GNAS-AS1: variants seen among roughly 807,000 people sequenced by gnomAD.
GNAS-AS1 encodes the protein GNAS antisense RNA 1 (non-protein coding).
chr20:58,829,454 G>A (rs1194771935), intron 4 of GNAS-AS1, among the ~76,000 whole-genome samples: 3 of 152,200 alleles, frequency 2.0e-5, no homozygotes, highest in African/African-American at 4.8e-5. Context: ...GGCTGTTCAA[G>A]ACAACAGAAA....
intron 4 of GNAS-AS1, among the ~76,000 whole-genome samples, chr20:58,819,420 A>C (rs2085470202): frequency 6.6e-6 from 1 of 152,230 alleles, no homozygotes; most frequent in South Asian, 2.1e-4. Context: ...CCATCAGTGG[A>C]ACTTACTTTC....
chr20:58,833,598 C>G (rs1294722309), intron 4 of GNAS-AS1, among the ~76,000 whole-genome samples: 3 of 152,088 alleles, frequency 2.0e-5, no homozygotes, highest in African/African-American at 7.2e-5. Flanking sequence ...GAAAGAAAAC[C>G]CTGATGTGGA....
chr20:58,836,068 G>C (rs1452049563), intron 4 of GNAS-AS1, among the ~76,000 whole-genome samples: 1 of 152,170 alleles, frequency 6.6e-6, no homozygotes, highest in Non-Finnish European at 1.5e-5. Context: ...AAAAAGTGGG[G>C]GCGGGGGGGA....
chr20:58,829,761 T>C (rs1418037722), intron 4 of GNAS-AS1, among the ~76,000 whole-genome samples: 2 of 152,202 alleles, frequency 1.3e-5, no homozygotes, highest in African/African-American at 2.4e-5. Context: ...GGGTGGCTTC[T>C]TCTGCTGTAT....
chr20:58,841,880 A>G lies in GNAS-AS1; in HGVS notation n.819+57T>C. The G allele has an allele frequency of 8.1e-7, 1 of 1,231,460 alleles. No individual in the cohort carries two copies. The allele number at this position is 1,231,460 out of a possible 1,614,324, so 76.3% of individuals were successfully genotyped here. On this transcript the variant is annotated intron_variant and non_coding_transcript_variant, in intron 4 of 4. Transcript: ENST00000424094. This position sits in a 1 kb window ranked among gnomAD's most constrained non-coding sequence, Gnocchi z 5.0. ...GAGATCGTCGCAAGTGGAAAGGTAA[A>G]GCGGAACAAGGGACAGGCTGGAGAC...
chr20:58,819,882 G>A (rs932764373), intron 4 of GNAS-AS1, among the ~76,000 whole-genome samples: 1 of 152,194 alleles, frequency 6.6e-6, no homozygotes, highest in Non-Finnish European at 1.5e-5. Flanking sequence ...ACCTCAGTGT[G>A]AGGTAGAACA....
chr20:58,847,852 C>T (rs1451184849), intron 2 of GNAS-AS1, among the ~76,000 whole-genome samples: 1 of 152,136 alleles, frequency 6.6e-6, no homozygotes, highest in Non-Finnish European at 1.5e-5. Flanking sequence ...ATGCCTTATG[C>T]TTTTGGTAAT....
intron 4 of GNAS-AS1, chr20:58,839,989 C>T (rs553878748): frequency 6.2e-6 from 7 of 1,137,250 alleles, no homozygotes; most frequent in East Asian, 4.7e-5. Flanking sequence ...CTGGGACCTC[C>T]GGGCCAGCTT....
chr20:58,826,222 G>C, intron 4 of GNAS-AS1: 1 of 396,976 alleles, frequency 2.5e-6, no homozygotes, highest in Non-Finnish European at 4.4e-6. Context: ...TATTTGTAGA[G>C]TTATGTGACT....
chr20:58,834,878 AC>A (rs1372619783), intron 4 of GNAS-AS1, among the ~76,000 whole-genome samples: 1 of 152,220 alleles, frequency 6.6e-6, no homozygotes, highest in Non-Finnish European at 1.5e-5. Context: ...CTGGACAGAA[AC>A]CAGCCATGTC....
At chr20:58,842,495 G>GA (rs1195159505) in exon 3 of GNAS-AS1, 13 of 398,530 alleles carry the variant, frequency 3.3e-5, no homozygotes, top group Non-Finnish European at 5.8e-5. Context: ...CCAAGACTTA[G>GA]TTCTGCCGGG....
intron 4 of GNAS-AS1, among the ~76,000 whole-genome samples, chr20:58,827,470 C>T (rs1026259947): frequency 6.6e-6 from 1 of 152,254 alleles, no homozygotes; most frequent in South Asian, 2.1e-4. Context: ...AGCTCCACTG[C>T]TTGATATCAT....
chr20:58,841,800 T>A lies in GNAS-AS1; in HGVS notation n.819+137A>T, dbSNP rs2085741175. On this transcript the variant is annotated intron_variant and non_coding_transcript_variant, in intron 4 of 4. Coordinates refer to ENST00000424094, the Ensembl canonical transcript of GNAS-AS1. This position sits in a 1 kb window ranked among gnomAD's most constrained non-coding sequence, Gnocchi z 5.0. ...CAGCTGGTCGGGTGGCCAGGCTGCA[T>A]GCGGCTTAGCAGGAGACGTCCTGGG... is the stretch of plus-strand genomic sequence containing the variant. 27 of 1,230,604 alleles carry A rather than the reference T, an allele frequency of 2.2e-5. No homozygotes were observed. The South Asian group carries it at 1.1e-3, about 49-fold the overall frequency. 76.2% of individuals were successfully genotyped at this position (1,230,604 alleles called of 1,614,324 possible). A position where few individuals can be genotyped will look rare whatever the true frequency, so the allele number is the denominator to read the frequency against.
At position 58,841,836 on chromosome 20, in the gene GNAS-AS1, A is replaced by T. The variant is rs552293744; in HGVS notation, n.819+101T>A. On this transcript the variant is annotated intron_variant and non_coding_transcript_variant, in intron 4 of 4. Coordinates refer to ENST00000424094, the Ensembl canonical transcript of GNAS-AS1. The surrounding 1 kb of genome is among the most constrained non-coding windows in gnomAD (Gnocchi z 5.0). ...AGGAGACGTCCTGGGCTGTTTGCGC[A>T]GGACCTCTGGAGGCCCTCGAGATCG... 9.5e-5 allele frequency: 117 copies of T among 1,230,970 alleles called. No individual in the cohort carries two copies. In the South Asian group the frequency reaches 4.0e-3, roughly 43 times the overall value. 76.3% of individuals were successfully genotyped at this position (1,230,970 alleles called of 1,614,324 possible).
chr20:58,822,889 C>T (rs962575459), intron 4 of GNAS-AS1, among the ~76,000 whole-genome samples: 2 of 152,112 alleles, frequency 1.3e-5, no homozygotes, highest in African/African-American at 4.8e-5. Flanking sequence ...TACGTGTTCC[C>T]GACCTAGGGC....
In GNAS-AS1 at chr20:58,840,400, C is replaced by G. The variant is rs1800902; in HGVS notation, n.819+1537G>C. 1 of 1,613,496 alleles carries G rather than the reference C, an allele frequency of 6.2e-7. No individual in the cohort carries two copies. Among genetic ancestry groups the G allele is most frequent in the South Asian group, 1.1e-5 (1 of 91,078 alleles). ...AGGCAGACCTTGAGCTGTCCCTCCC[C>G]GAGTGCCTAGAGTACGAGGAAGAGT... On this transcript the variant is annotated intron_variant and non_coding_transcript_variant, in intron 4 of 4. Coordinates refer to ENST00000424094, the Ensembl canonical transcript of GNAS-AS1. The surrounding 1 kb of genome is among the most constrained non-coding windows in gnomAD (Gnocchi z 6.0).
At chr20:58,821,996 C>G (rs978658770) in intron 4 of GNAS-AS1, among the ~76,000 whole-genome samples, 11 of 152,180 alleles carry the variant, frequency 7.2e-5, no homozygotes, top group Admixed American at 7.2e-4. Flanking sequence ...ATCCCTATCC[C>G]GACGAGAATG....
exon 1 of GNAS-AS1, chr20:58,850,615 G>C (rs1028694462): frequency 2.5e-6 from 1 of 398,962 alleles, no homozygotes; most frequent in Non-Finnish European, 4.4e-6. Context: ...CTCTCCTTGG[G>C]GTCCTGGCCC....
intron 4 of GNAS-AS1, among the ~76,000 whole-genome samples, chr20:58,832,513 C>G (rs1056847183): frequency 6.6e-6 from 1 of 152,160 alleles, no homozygotes; most frequent in Admixed American, 6.5e-5. Flanking sequence ...TGCTGAGATA[C>G]TGTGCAGTGA....
Sources: gnomAD v4.1 joint callset for allele counts (sites outside exome capture counted in the v4.1 genomes callset) on GRCh38, gnomAD v4.1.1 for gene constraint, Gnocchi (gnomAD v3.1) non-coding constraint, MANE v1.5 for transcripts, NCBI Gene and HGNC (gene_info 2026-07-23, HGNC 2026-07-21) for gene names.